The following C7 variants were observed in gnomAD, a reference collection of about 807,000 sequenced individuals.
C7 encodes complement C7, also known as complement component C7.
A neutral mutation model predicts 104.8 loss-of-function variants in C7; 83 were observed. The ratio of observed to expected loss-of-function variants is 0.79; its 90% CI spans 0.66 to 0.95. The LOEUF (loss-of-function observed/expected upper bound fraction) is 0.95. C7 is among the 40% of genes least tolerant of loss of function. The pLI is 0.00. For missense variants in C7, 1,070 were observed against 1,011.2 expected, an observed-to-expected ratio of 1.06 and a Z score of -0.79; for synonymous variants, 415 against 360.6, an observed-to-expected ratio of 1.15 and a Z score of -1.71.
intron 5 of C7, 68 bp downstream of exon 5, chr5:40,936,553 G>C: frequency 2.1e-6 from 3 of 1,459,938 alleles, no homozygotes; most frequent in Non-Finnish European, 2.8e-6. Flanking sequence ...TTATTTTATA[G>C]TTTGGTAAGT....
chr5:40,958,301 T>A, intron 11 of C7, 40 bp downstream of exon 11: 1 of 1,256,118 alleles, frequency 8.0e-7, no homozygotes, highest in South Asian at 1.7e-5. Flanking sequence ...CTGTACACAT[T>A]GAAAGGGAAT....
intron 1 of C7, among the ~76,000 whole-genome samples, chr5:40,918,195 T>C (rs1440210459): frequency 1.3e-5 from 2 of 151,048 alleles, no homozygotes; most frequent in African/African-American, 4.9e-5. Flanking sequence ...ATCTCTACAA[T>C]AACTTCAAAA....
At chr5:40,942,438 T>C (rs137942990) in intron 6 of C7, among the ~76,000 whole-genome samples, 69 of 152,046 alleles carry the variant, frequency 4.5e-4, no homozygotes, top group African/African-American at 1.5e-3. Context: ...GGGACACCTA[T>C]AGAGAAAAAG....
intron 1 of C7, among the ~76,000 whole-genome samples, chr5:40,923,980 G>C (rs931455430): frequency 1.1e-4 from 17 of 151,974 alleles, no homozygotes; most frequent in Non-Finnish European, 2.4e-4. Flanking sequence ...TGAATCTCAT[G>C]GTCTTCTCAC....
chr5:40,951,505 A>G lies in C7; in HGVS notation c.1093+1491A>G, dbSNP rs187426537. Among the ~76,000 whole-genome samples, 143 of 152,236 alleles carry G rather than the reference A, an allele frequency of 9.4e-4. 2 individuals carry two copies. The East Asian group carries it at 0.025, about 26-fold the overall frequency. On this transcript the variant is annotated intron_variant, in intron 9 of 17. Transcript: ENST00000313164. Reference sequence around the variant, plus strand: ...GGAATCAAGGGTTGAAAAACTAACTATTGGGTACTTACTCTCACTACCTGG... The same window carrying G: ...GGAATCAAGGGTTGAAAAACTAACTGTTGGGTACTTACTCTCACTACCTGG...
chr5:40,945,747 C>T (rs1740032278), intron 7 of C7, among the ~76,000 whole-genome samples: 1 of 151,158 alleles, frequency 6.6e-6, no homozygotes, highest in Admixed American at 6.6e-5. Flanking sequence ...GCCTATAGTC[C>T]CAGCTACTTA....
At chr5:40,919,604 T>G (rs1036824243) in intron 1 of C7, among the ~76,000 whole-genome samples, 4 of 151,978 alleles carry the variant, frequency 2.6e-5, no homozygotes, top group Admixed American at 1.3e-4. Context: ...CCAGCCTGGG[T>G]GACAGAAAAA....
chr5:40,961,225 C>A (rs760124996), intron 12 of C7, among the ~76,000 whole-genome samples: 1 of 152,120 alleles, frequency 6.6e-6, no homozygotes, highest in African/African-American at 2.4e-5. Context: ...ACTTTCTGTG[C>A]CATTGTTTTT....
chr5:40,976,112 A>G lies in C7; in HGVS notation c.2075-638A>G, dbSNP rs145863453. On this transcript the variant is annotated intron_variant, in intron 15 of 17. Transcript: ENST00000313164. ...CTATAAAACACAAAGTTATAGAAAG[A>G]ATTTTATTAACGTAATGACCTCCAG... Among the ~76,000 whole-genome samples the G allele has an allele frequency of 4.6e-5, 7 of 152,364 alleles. No individual in the cohort carries two copies. In the East Asian group the frequency reaches 1.2e-3, roughly 25 times the overall value.
intron 9 of C7, chr5:40,954,940 T>C (rs1420534311): frequency 4.1e-6 from 1 of 244,604 alleles, no homozygotes; most frequent in Non-Finnish European, 7.8e-6. Context: ...TATAGCTTAG[T>C]TTTTAGAACA....
At position 40,983,312 on chromosome 5, in the gene C7, A is replaced by G. The variant is rs1179605962; in HGVS notation, c.*1739A>G. The stretch of plus-strand genomic sequence containing the variant: ...ATAATTTCTCCTCTTAGCTTAAGCT[A>G]GTATGGAGTTAGATTCCTACCGCTT... On this transcript the variant is annotated 3_prime_UTR_variant, in exon 18 of 18. Coordinates refer to ENST00000313164, the MANE Select transcript of C7 (RefSeq NM_000587.4). 6.6e-6 allele frequency among the ~76,000 whole-genome samples: 1 copy of G among 152,236 alleles called. No homozygotes were observed. Among genetic ancestry groups the G allele is most frequent in the African/African-American group, 2.4e-5 (1 of 41,474 alleles).
chr5:40,963,381 T>C (rs2066293999), intron 13 of C7, among the ~76,000 whole-genome samples: 1 of 152,206 alleles, frequency 6.6e-6, no homozygotes, highest in South Asian at 2.1e-4. Flanking sequence ...CTTCCTCATA[T>C]GAAAGTTTTT....
At chr5:40,957,680 C>T (rs1020469883) in intron 10 of C7, among the ~76,000 whole-genome samples, 1 of 151,964 alleles carries the variant, frequency 6.6e-6, no homozygotes, top group South Asian at 2.1e-4. Context: ...GTCTTGAACT[C>T]CTGACCTCAG....
intron 1 of C7, among the ~76,000 whole-genome samples, chr5:40,919,779 T>A (rs1561236521): frequency 1.3e-5 from 2 of 152,156 alleles, no homozygotes; most frequent in Non-Finnish European, 2.9e-5. Context: ...AAAAATCTTG[T>A]TATCTTAAGA....
At chr5:40,922,696 C>CAAAAAA (rs780972661) in intron 1 of C7, among the ~76,000 whole-genome samples, 2 of 114,102 alleles carry the variant, frequency 1.8e-5, no homozygotes, top group African/African-American at 3.4e-5. Context: ...GTGAGACTGT[C>CAAAAAA]AAAAAAAAAA....
chr5:40,944,749 C>A (rs1363770066), intron 6 of C7, among the ~76,000 whole-genome samples: 1 of 152,138 alleles, frequency 6.6e-6, no homozygotes, highest in African/African-American at 2.4e-5. Flanking sequence ...AAAATTAAAT[C>A]CACTATTGGA....
chr5:40,947,921 G>A (rs1418490095), intron 8 of C7, 76 bp downstream of exon 8: 6 of 1,385,370 alleles, frequency 4.3e-6, no homozygotes, highest in East Asian at 4.6e-5. Context: ...GTTAATGTAA[G>A]CTTTTGAGCT....
At chr5:40,960,191 C>A (rs1206146608) in intron 12 of C7, among the ~76,000 whole-genome samples, 3 of 152,178 alleles carry the variant, frequency 2.0e-5, no homozygotes. Context: ...AAAGCCATCT[C>A]AAAAATGCTC....
chr5:40,965,252 G>T (rs753519599), intron 14 of C7, among the ~76,000 whole-genome samples: 1 of 152,190 alleles, frequency 6.6e-6, no homozygotes, highest in Admixed American at 6.5e-5. Context: ...CTGAATAACA[G>T]CATCTGCATG....
Sources: allele counts gnomAD v4.1 joint callset (sites outside exome capture counted in the v4.1 genomes callset), GRCh38; gene constraint gnomAD v4.1.1; transcripts MANE v1.5; gene names NCBI Gene and HGNC (gene_info 2026-07-23, HGNC 2026-07-21).